Variants in CNTN4 observed in about 807,000 individuals in gnomAD.
CNTN4 encodes the protein contactin 4, also known as contactin-4.
In CNTN4, 77 loss-of-function variants were observed where a neutral mutation model predicts 122.5. The ratio of observed to expected loss-of-function variants is 0.63; its 90% CI spans 0.52 to 0.76. The LOEUF is 0.76. Among genes scored for constraint, CNTN4 ranks in the 30% least tolerant of loss-of-function variants. The pLI, the probability that CNTN4 is intolerant of heterozygous loss-of-function variation, is 0.00. For synonymous variants in CNTN4, 512 were observed against 447.0 expected (o/e 1.15, Z -1.83); for missense variants, 1,256 against 1,259.1 (o/e 1.00, Z 0.04).
chr3:2,414,306 A>T (rs1034838099), intron 3 of CNTN4, among the ~76,000 whole-genome samples: 9 of 152,212 alleles, frequency 5.9e-5, no homozygotes, highest in Non-Finnish European at 1.2e-4. Context: ...CTTCTACACC[A>T]TTTAGCATAT....
At chr3:2,170,317 C>G (rs1156717909) in intron 2 of CNTN4, among the ~76,000 whole-genome samples, 1 of 151,816 alleles carries the variant, frequency 6.6e-6, no homozygotes, top group Non-Finnish European at 1.5e-5. Context: ...AAGACTCCGT[C>G]TCAAAACAAA....
At chr3:2,175,842 A>G (rs977502560) in intron 2 of CNTN4, among the ~76,000 whole-genome samples, 1 of 152,214 alleles carries the variant, frequency 6.6e-6, no homozygotes, top group Non-Finnish European at 1.5e-5. Context: ...AGGCAGAGAG[A>G]GGGCAATGAT....
At chr3:2,853,328 T>C (rs1330589595) in intron 7 of CNTN4, among the ~76,000 whole-genome samples, 1 of 152,144 alleles carries the variant, frequency 6.6e-6, no homozygotes, top group African/African-American at 2.4e-5. Flanking sequence ...CACTGCAAGC[T>C]CCGCCTCCCG....
intron 3 of CNTN4, among the ~76,000 whole-genome samples, chr3:2,462,747 G>A (rs1356805375): frequency 2.0e-5 from 3 of 152,148 alleles, no homozygotes; most frequent in Non-Finnish European, 4.4e-5. Context: ...CTTCAACTGT[G>A]TGAATCTTAC....
intron 3 of CNTN4, among the ~76,000 whole-genome samples, chr3:2,547,949 T>G (rs2078317210): frequency 6.6e-6 from 1 of 152,096 alleles, no homozygotes; most frequent in African/African-American, 2.4e-5. Context: ...GTGAACAGAC[T>G]AGGTGTATCT....
intron 6 of CNTN4, among the ~76,000 whole-genome samples, chr3:2,750,658 A>G (rs971244456): frequency 6.6e-6 from 1 of 152,174 alleles, no homozygotes; most frequent in African/African-American, 2.4e-5. Context: ...GCCATCAGCA[A>G]TCACTCCCCT....
intron 4 of CNTN4, among the ~76,000 whole-genome samples, chr3:2,691,532 AG>A (rs1270040959): frequency 6.6e-6 from 1 of 152,140 alleles, no homozygotes; most frequent in Admixed American, 6.6e-5. Flanking sequence ...TCAAGGTGGG[AG>A]TTTTCTCCAC....
At chr3:2,879,494 G>C (rs181215112) in intron 8 of CNTN4, among the ~76,000 whole-genome samples, 11 of 152,258 alleles carry the variant, frequency 7.2e-5, no homozygotes, top group East Asian at 5.8e-4. Context: ...TCCTACAGTG[G>C]AATATTATTC....
At chr3:2,561,355 T>C (rs897175482) in intron 3 of CNTN4, among the ~76,000 whole-genome samples, 7 of 152,182 alleles carry the variant, frequency 4.6e-5, no homozygotes, top group Non-Finnish European at 1.0e-4. Context: ...GCTCTGGTGA[T>C]AGAAGCTTTA....
intron 3 of CNTN4, among the ~76,000 whole-genome samples, chr3:2,491,777 T>A (rs913474238): frequency 1.3e-5 from 2 of 152,208 alleles, no homozygotes; most frequent in Admixed American, 6.5e-5. Flanking sequence ...CTAATTTAAA[T>A]CCTTCAGTAA....
intron 14 of CNTN4, among the ~76,000 whole-genome samples, chr3:2,998,168 A>G (rs1695699764): frequency 6.6e-6 from 1 of 152,148 alleles, no homozygotes; most frequent in African/African-American, 2.4e-5. Context: ...TCACTGTGCA[A>G]TTTGTACCAA....
chr3:2,280,464 G>A (rs2041675340), intron 2 of CNTN4, among the ~76,000 whole-genome samples: 1 of 151,998 alleles, frequency 6.6e-6, no homozygotes, highest in Non-Finnish European at 1.5e-5. Context: ...TTAGCTCTGA[G>A]GATACAAATG....
intron 3 of CNTN4, among the ~76,000 whole-genome samples, chr3:2,538,252 C>A (rs942625043): frequency 1.3e-5 from 2 of 151,978 alleles, no homozygotes; most frequent in Admixed American, 6.6e-5. Context: ...GGAACATGGC[C>A]CCACTGACAC....
chr3:2,135,189 G>T (rs569161659), intron 2 of CNTN4, among the ~76,000 whole-genome samples: 3 of 152,232 alleles, frequency 2.0e-5, no homozygotes, highest in South Asian at 4.1e-4. Context: ...GGCCTGTGTG[G>T]ACCTTGAGGA....
chr3:2,407,798 C>A (rs2047092480), intron 3 of CNTN4, among the ~76,000 whole-genome samples: 1 of 152,090 alleles, frequency 6.6e-6, no homozygotes, highest in African/African-American at 2.4e-5. Flanking sequence ...TTAAGAAAAT[C>A]CACTATTTTG....
chr3:2,685,316 T>C (rs370602516), intron 4 of CNTN4, among the ~76,000 whole-genome samples: 3 of 152,284 alleles, frequency 2.0e-5, no homozygotes, highest in African/African-American at 7.2e-5. Context: ...CCTAATCCAC[T>C]TTCTATTACC....
chr3:2,483,720 C>A (rs113567462), intron 3 of CNTN4, among the ~76,000 whole-genome samples: 1 of 152,158 alleles, frequency 6.6e-6, no homozygotes, highest in Non-Finnish European at 1.5e-5. Flanking sequence ...CATTTTCTCT[C>A]CTGCCACCCT....
At chr3:2,170,121 A>G (rs2036418990) in intron 2 of CNTN4, among the ~76,000 whole-genome samples, 2 of 151,946 alleles carry the variant, frequency 1.3e-5, no homozygotes, top group African/African-American at 2.4e-5. Context: ...GGAGATCGAG[A>G]CCATCCTGGC....
At chr3:3,022,473 T>G (rs929473584) in intron 14 of CNTN4, among the ~76,000 whole-genome samples, 2 of 152,134 alleles carry the variant, frequency 1.3e-5, no homozygotes, top group Admixed American at 6.5e-5. Flanking sequence ...CCAAAACACT[T>G]CATTTTAGAG....
Sources: allele counts gnomAD v4.1 joint callset (sites outside exome capture counted in the v4.1 genomes callset), GRCh38; gene constraint gnomAD v4.1.1; transcripts MANE v1.5; gene names NCBI Gene and HGNC (gene_info 2026-07-23, HGNC 2026-07-21).